The following DMKN variants were observed in gnomAD, a reference collection of about 807,000 sequenced individuals.
The protein encoded by DMKN is epidermis-specific secreted protein SK30/SK89.
Under a neutral mutation model 67.6 loss-of-function variants are expected in DMKN, and 58 were observed. The ratio of observed to expected loss-of-function variants is 0.86; its 90% CI spans 0.69 to 1.07. The LOEUF (loss-of-function observed/expected upper bound fraction) is 1.07, where lower values mean the gene tolerates loss of function less well. Among genes scored for constraint, DMKN ranks in the 50% least tolerant of loss-of-function variants. The pLI, the probability that DMKN is intolerant of heterozygous loss-of-function variation, is 0.00. For missense variants in DMKN, 596 were observed against 601.5 expected, an observed-to-expected ratio of 0.99 and a Z score of 0.10; for synonymous variants, 240 against 232.3, an observed-to-expected ratio of 1.03 and a Z score of -0.30.
intron 15 of DMKN, chr19:35,498,194 G>A (rs35007531): frequency 0.013 from 2,005 of 159,570 alleles, 31 homozygotes; most frequent in South Asian, 0.048. Context: ...GGAGTGCAGC[G>A]GTGCAATCGC....
intron 9 of DMKN, 107 bp downstream of exon 9, chr19:35,505,611 G>A: frequency 1.4e-6 from 2 of 1,477,040 alleles, no homozygotes. Flanking sequence ...TTTAGCACTG[G>A]CCTAAATGCT....
chr19:35,498,761 A>G lies in DMKN; in HGVS notation c.1386T>C (p.Ala462=), dbSNP rs767346282. 25 of 1,614,088 alleles carry G rather than the reference A, an allele frequency of 1.5e-5. No homozygotes were observed. The highest frequency in any genetic ancestry group is 1.8e-5 in the Non-Finnish European group (21 of 1,180,034). ...AKGGVSPSSS[A]SRVQPGLLQW... ...GCAGCAGGCCAGGTTGCACCCGGGAAGCCTGCCAGAAAAAGAGAAAGTCTG... is the reference window on the plus strand; with the variant it reads ...GCAGCAGGCCAGGTTGCACCCGGGAGGCCTGCCAGAAAAAGAGAAAGTCTG... Residue 462 remains alanine (A), a splice_region_variant and synonymous_variant, in exon 15 of 16, where the codon GCT becomes GCC. Transcript: ENST00000339686.
At chr19:35,509,135 C>CCTCA (rs1221520352) in intron 7 of DMKN, among the ~76,000 whole-genome samples, 1 of 152,098 alleles carries the variant, frequency 6.6e-6, no homozygotes, top group East Asian at 1.9e-4. Context: ...GTAAGAGAAT[C>CCTCA]GCTTGAACCC....
intron 9 of DMKN, among the ~76,000 whole-genome samples, chr19:35,505,039 A>C (rs1036632450): frequency 4.0e-5 from 6 of 151,244 alleles, no homozygotes; most frequent in Admixed American, 1.3e-4. Flanking sequence ...AAAAAAAAAA[A>C]TAGAGTGTCT....
intron 7 of DMKN, chr19:35,507,741 A>G (rs936811782): frequency 5.5e-6 from 3 of 540,910 alleles, no homozygotes; most frequent in Non-Finnish European, 1.0e-5. Flanking sequence ...CTCACTTACG[A>G]TGTCCATAGA....
In DMKN at chr19:35,502,180, A is replaced by G; in HGVS notation, c.1195T>C (p.Phe399Leu). Residue 399 changes from phenylalanine to leucine, a missense_variant, in exon 11 of 16, where the codon TTC (phenylalanine) becomes CTC (leucine). Transcript: ENST00000339686. ...LLYFSRLWED[F>L]KQNTPFLNWK... ...TTGAGGAAAGGAGTGTTCTGTTTGA[A>G]ATCCTGCAGGGAGAAGGAGGGCAGA... 1 of 1,614,144 alleles carries G rather than the reference A, an allele frequency of 6.2e-7. No homozygotes were observed. Among genetic ancestry groups the G allele is most frequent in the Non-Finnish European group, 8.5e-7 (1 of 1,180,026 alleles).
In DMKN at chr19:35,513,333, C is replaced by T. The variant is rs557464044; in HGVS notation, c.143G>A (p.Ser48Asn). 1.2e-5 allele frequency: 20 copies of T among 1,614,164 alleles called. No homozygotes were observed. In the East Asian group the frequency reaches 1.3e-4, roughly 11 times the overall value. ...GCCAATGGCCTTTCCCACCCCTTCGCTCAGGGCGTCTCCCAGGCCATGTCC... is the reference window on the plus strand; with the variant it reads ...GCCAATGGCCTTTCCCACCCCTTCGTTCAGGGCGTCTCCCAGGCCATGTCC... ...ALGHGLGDAL[S>N]EGVGKAIGKE... is the part of the protein sequence containing the mutation. Residue 48 changes from serine to asparagine, a missense_variant, in exon 1 of 16, where the codon AGC becomes AAC. By Grantham distance (46) the Ser-to-Asn change is conservative (BLOSUM62 1). Transcript: ENST00000339686.
chr19:35,502,183 C>T lies in DMKN; in HGVS notation c.1192G>A (p.Asp398Asn), dbSNP rs1169509675. 28 of 1,614,000 alleles carry T rather than the reference C, an allele frequency of 1.7e-5. No individual in the cohort carries two copies. Among genetic ancestry groups the T allele is most frequent in the Non-Finnish European group, 2.3e-5 (27 of 1,180,044 alleles). ...ALLYFSRLWE[D>N]FKQNTPFLNW... ...AGGAAAGGAGTGTTCTGTTTGAAAT[C>T]CTGCAGGGAGAAGGAGGGCAGAGTG... is the stretch of plus-strand genomic sequence containing the variant. The change falls in exon 11 of 16, where the codon GAT becomes AAT. Residue 398 changes from aspartate (D) to asparagine (N), a missense_variant and splice_region_variant. Asp to Asn is a conservative substitution (Grantham distance 23). Transcript: ENST00000339686.
At chr19:35,509,818 G>C in intron 7 of DMKN, 93 bp downstream of exon 7, 1 of 1,439,620 alleles carries the variant, frequency 6.9e-7, no homozygotes, top group Non-Finnish European at 9.6e-7. Context: ...GACAAGGCAG[G>C]AGGGGGTTGA....
intron 11 of DMKN, among the ~76,000 whole-genome samples, chr19:35,500,808 C>T (rs986322888): frequency 2.6e-5 from 4 of 152,220 alleles, no homozygotes; most frequent in Non-Finnish European, 5.9e-5. Flanking sequence ...CCCACCCATG[C>T]CGTGGGAGAG....
At chr19:35,511,701 G>A (rs2070855823) in intron 4 of DMKN, 62 bp downstream of exon 4, 2 of 1,596,236 alleles carry the variant, frequency 1.3e-6, no homozygotes, top group Admixed American at 1.7e-5. Context: ...CCAGTCTAAG[G>A]GGAGCAGAAC....
rs540012382 is a variant in DMKN at position 35,501,369 on chromosome 19, TA to T, written c.1239+766del. On this transcript the variant is annotated intron_variant, in intron 11 of 15. Coordinates refer to ENST00000339686, the MANE Select transcript of DMKN (RefSeq NM_033317.5). ...CCAGATATTTTTTGCTTGGTCTACT[TA>T]AAAATTAAATTAGTTACAGTTAGAG... Among the ~76,000 whole-genome samples the T allele has an allele frequency of 2.0e-4, 31 of 152,294 alleles. No individual in the cohort carries two copies. In the East Asian group the frequency reaches 5.4e-3, roughly 27 times the overall value.
At chr19:35,511,993 C>CTTTT (rs11285451) in intron 3 of DMKN, among the ~76,000 whole-genome samples, 180 bp from the exon 4 acceptor site, 30 of 113,054 alleles carry the variant, frequency 2.7e-4, no homozygotes, top group Non-Finnish European at 4.1e-4. Flanking sequence ...TCTCTTCCTC[C>CTTTT]TTTTTTTTTT....
chr19:35,503,381 T>G (rs1383448246), intron 9 of DMKN: 42 of 1,548,662 alleles, frequency 2.7e-5, no homozygotes, highest in Middle Eastern at 3.4e-4. Flanking sequence ...GGAGGGAGTG[T>G]GGGGGCTCCC....
At chr19:35,508,102 G>GGGAT in intron 7 of DMKN, 1 of 1,442,776 alleles carries the variant, frequency 6.9e-7, no homozygotes, top group Non-Finnish European at 9.5e-7. Flanking sequence ...AGACCTGGCA[G>GGGAT]GGATGTGGGA....
Position 35,502,006 on chromosome 19 carries a change from C to A in DMKN, c.1239+130G>T, listed in dbSNP as rs1568571962. 8.3e-6 allele frequency: 13 copies of A among 1,564,532 alleles called. No individual in the cohort carries two copies. The South Asian group carries it at 1.2e-4, about 14-fold the overall frequency. ...CGGCTTCTCCCTCTCACCCCGCCCC[C>A]ACTCGGGATTGCACAAAGCCTGGGA... On this transcript the variant is annotated intron_variant, in intron 11 of 15. Coordinates refer to ENST00000339686, the MANE Select transcript of DMKN (RefSeq NM_033317.5).
At chr19:35,509,701 G>C (rs1476012100) in intron 7 of DMKN, 1 of 571,530 alleles carries the variant, frequency 1.7e-6, no homozygotes, top group African/African-American at 1.9e-5. Context: ...TGTGGTATAA[G>C]GTGAGGTATA....
At chr19:35,503,562 G>A (rs1045567404) in intron 9 of DMKN, 100 of 1,420,544 alleles carry the variant, frequency 7.0e-5, no homozygotes, top group East Asian at 3.6e-4. Context: ...CGCAACCTCC[G>A]CTTCCCAGGT....
intron 5 of DMKN, among the ~76,000 whole-genome samples, chr19:35,510,751 C>T (rs1317260210): frequency 6.6e-6 from 1 of 152,192 alleles, no homozygotes; most frequent in African/African-American, 2.4e-5. Flanking sequence ...TCCCGACCCC[C>T]GAGGAAGCCA....
Sources: gnomAD v4.1 joint callset for allele counts (sites outside exome capture counted in the v4.1 genomes callset) on GRCh38, gnomAD v4.1.1 for gene constraint, MANE v1.5 for transcripts, NCBI Gene and HGNC (gene_info 2026-07-23, HGNC 2026-07-21) for gene names.